Variants in ABCC1 observed in about 807,000 individuals in gnomAD.
ABCC1 encodes the protein ATP binding cassette subfamily C member 1 (ABCC1 blood group), also known as multidrug resistance-associated protein 1.
ABCC1 carries 83 observed loss-of-function variants against 172.9 expected under a neutral mutation model. That is an observed-to-expected ratio of 0.48 (90% CI 0.40 to 0.58). ABCC1 has a LOEUF of 0.58. Among genes scored for constraint, ABCC1 ranks in the 20% least tolerant of loss-of-function variants. The pLI is 0.00. For synonymous variants in ABCC1, 937 were observed against 825.2 expected, an observed-to-expected ratio of 1.14 and a Z score of -2.32; for missense variants, 1,817 against 2,002.7, an observed-to-expected ratio of 0.91 and a Z score of 1.77.
chr16:16,016,433 C>T (rs1316563672), intron 4 of ABCC1, 63 bp from the exon 5 acceptor site: 41 of 1,598,170 alleles, frequency 2.6e-5, no homozygotes, highest in East Asian at 6.7e-5. Context: ...GGATTACAGG[C>T]GTGAGCCACC....
chr16:15,971,144 A>G (rs546927509), intron 1 of ABCC1, among the ~76,000 whole-genome samples: 2 of 152,344 alleles, frequency 1.3e-5, no homozygotes, highest in East Asian at 3.9e-4. Flanking sequence ...GATAGCAGCT[A>G]GGTATATGTA....
In ABCC1 at chr16:16,044,455, C is replaced by T. The variant is rs376004761; in HGVS notation, c.815C>T (p.Pro272Leu). The change falls in exon 8 of 31, where the codon CCG (proline) becomes CTG (leucine). Residue 272 changes from proline (P) to leucine (L), a missense_variant. Pro to Leu is a moderately conservative substitution (Grantham distance 98). Transcript: ENST00000399410. ...KKECAKTRKQ[P>L]VKVVYSSKDP... ...TTCACCTCCTTGTGTTCCAGGCAGC[C>T]GGTGAAGGTTGTGTACTCCTCCAAG... 1.1e-4 allele frequency: 177 copies of T among 1,613,666 alleles called. No homozygotes were observed. The highest frequency in any genetic ancestry group is 5.3e-4 in the African/African-American group (40 of 74,886).
chr16:15,991,966 C>T (rs956691838), intron 1 of ABCC1, among the ~76,000 whole-genome samples: 2 of 152,150 alleles, frequency 1.3e-5, no homozygotes, highest in Non-Finnish European at 1.5e-5. Flanking sequence ...GGCCACACAG[C>T]AGGAGGTGAG....
chr16:15,990,988 AGCGATAGTCCATG>A (rs2046851003), intron 1 of ABCC1, among the ~76,000 whole-genome samples: 2 of 152,016 alleles, frequency 1.3e-5, no homozygotes, highest in Middle Eastern at 3.4e-3. Context: ...TTTAAGGCTG[AGCGATAGTCCATG>A]GCATGTATAG....
At chr16:16,121,941 T>C (rs2045176837) in intron 23 of ABCC1, 34 bp from the exon 24 acceptor site, 2 of 1,611,184 alleles carry the variant, frequency 1.2e-6, no homozygotes, top group Non-Finnish European at 1.7e-6. Flanking sequence ...GGAGGGAACC[T>C]TCATCAACTC....
In ABCC1 at chr16:16,131,905, C is replaced by G. The variant is rs369198761; in HGVS notation, c.3936C>G (p.His1312Gln). ...YREDLDFVLR[H>Q]INVTINGGEK... Reference sequence around the variant, plus strand: ...AGGACCTGGACTTCGTTCTCAGGCACATCAATGTCACGATCAATGGGGGAG... The same window carrying G: ...AGGACCTGGACTTCGTTCTCAGGCAGATCAATGTCACGATCAATGGGGGAG... Residue 1312 changes from histidine (H) to glutamine (Q), a missense_variant, in exon 27 of 31, where the codon CAC (histidine) becomes CAG (glutamine). Physicochemically the swap from His to Gln is conservative, Grantham distance 24. Transcript: ENST00000399410. 3.1e-6 allele frequency: 5 copies of G among 1,614,100 alleles called. 1 individual carries two copies. In the South Asian group the frequency reaches 5.5e-5, roughly 18 times the overall value.
chr16:16,040,871 G>T (rs1401745688), intron 7 of ABCC1, among the ~76,000 whole-genome samples: 2 of 152,108 alleles, frequency 1.3e-5, no homozygotes, highest in Non-Finnish European at 2.9e-5. Flanking sequence ...ACCAGGGTGG[G>T]AACCTCAAGG....
chr16:16,028,938 T>C (rs1455634084), intron 5 of ABCC1, among the ~76,000 whole-genome samples: 1 of 152,186 alleles, frequency 6.6e-6, no homozygotes, highest in Non-Finnish European at 1.5e-5. Flanking sequence ...CTGCATCTGA[T>C]GATCTTATTA....
chr16:16,012,123 A>G (rs1429993884), intron 3 of ABCC1, among the ~76,000 whole-genome samples: 2 of 152,238 alleles, frequency 1.3e-5, no homozygotes, highest in East Asian at 1.9e-4. Context: ...TCTATATAGC[A>G]CACATATGTG....
At chr16:15,975,055 C>T (rs1285734344) in intron 1 of ABCC1, among the ~76,000 whole-genome samples, 1 of 152,112 alleles carries the variant, frequency 6.6e-6, no homozygotes, top group African/African-American at 2.4e-5. Context: ...TCCCAAAGTA[C>T]TGGGATGACA....
intron 23 of ABCC1, among the ~76,000 whole-genome samples, chr16:16,117,635 G>A (rs976175233): frequency 6.6e-6 from 1 of 152,212 alleles, no homozygotes; most frequent in Non-Finnish European, 1.5e-5. Flanking sequence ...CCTAGGCACG[G>A]TGGCTCACGC....
At chr16:16,057,110 G>A (rs942891939) in intron 12 of ABCC1, among the ~76,000 whole-genome samples, 43 of 151,212 alleles carry the variant, frequency 2.8e-4, no homozygotes, top group African/African-American at 1.0e-3. Context: ...GGGAGTCCAA[G>A]GTGGGTAGAT....
chr16:16,018,628 C>G (rs565878102), intron 5 of ABCC1, among the ~76,000 whole-genome samples: 8 of 151,778 alleles, frequency 5.3e-5, no homozygotes, highest in South Asian at 2.1e-4. Context: ...CAAAGAGGAG[C>G]TGGGTTGGAG....
At chr16:16,103,297 C>T (rs1002322318) in intron 20 of ABCC1, among the ~76,000 whole-genome samples, 2 of 152,034 alleles carry the variant, frequency 1.3e-5, no homozygotes, top group Non-Finnish European at 2.9e-5. Context: ...CTGGCTAAGT[C>T]GGCCAGGCAG....
rs16967046 is a variant in ABCC1 at position 16,080,625 on chromosome 16, A to C, written c.2115+1147A>C. On this transcript the variant is annotated intron_variant, in intron 16 of 30. Coordinates refer to ENST00000399410, the MANE Select transcript of ABCC1 (RefSeq NM_004996.4). Reference sequence around the variant, plus strand: ...TCATCTTGCAGGACATTTGGGCGATAAAGAACCCCAGGCTCAAAGAAGCGT... The same window carrying C: ...TCATCTTGCAGGACATTTGGGCGATCAAGAACCCCAGGCTCAAAGAAGCGT... Among the ~76,000 whole-genome samples, 816 of 152,298 alleles carry C rather than the reference A, an allele frequency of 5.4e-3. 8 individuals are homozygous for C. Among genetic ancestry groups the C allele is most frequent in the African/African-American group, 0.019 (786 of 41,572 alleles).
At chr16:15,992,591 G>A (rs1326771077) in intron 1 of ABCC1, among the ~76,000 whole-genome samples, 26 of 152,148 alleles carry the variant, frequency 1.7e-4, no homozygotes, top group Admixed American at 1.7e-3. Context: ...AGTAGAGACG[G>A]GGTTTTACCA....
intron 12 of ABCC1, among the ~76,000 whole-genome samples, chr16:16,064,263 C>T (rs766723213): frequency 1.3e-5 from 2 of 152,158 alleles, no homozygotes; most frequent in Non-Finnish European, 2.9e-5. Flanking sequence ...TATTACAAGG[C>T]GAACTCCAGT....
chr16:16,110,116 T>C (rs375025824), intron 21 of ABCC1, among the ~76,000 whole-genome samples: 48 of 150,756 alleles, frequency 3.2e-4, no homozygotes, highest in Middle Eastern at 3.4e-3. Context: ...TTTTTTTTTT[T>C]CCCCCTGGAG....
chr16:16,104,142 G>A (rs1349613635), intron 20 of ABCC1, among the ~76,000 whole-genome samples: 4 of 152,156 alleles, frequency 2.6e-5, no homozygotes, highest in African/African-American at 7.2e-5. Context: ...CAAAGGCAAT[G>A]TGGACCCAAA....
Sources: gnomAD v4.1 joint callset for allele counts (sites outside exome capture counted in the v4.1 genomes callset) on GRCh38, gnomAD v4.1.1 for gene constraint, MANE v1.5 for transcripts, NCBI Gene and HGNC (gene_info 2026-07-23, HGNC 2026-07-21) for gene names.